Variants in THSD4 observed in about 807,000 individuals in gnomAD.
THSD4 encodes thrombospondin type 1 domain containing 4, also known as thrombospondin type-1 domain-containing protein 4.
A neutral mutation model predicts 119.0 loss-of-function variants in THSD4; 69 were observed. The ratio of observed to expected loss-of-function variants is 0.58; its 90% CI spans 0.48 to 0.71. The LOEUF is 0.71. THSD4 is among the 30% of genes least tolerant of loss of function. The pLI is 0.00. For missense variants in THSD4, 1,393 were observed against 1,391.1 expected (o/e 1.00, Z -0.02); for synonymous variants, 524 against 540.4 (o/e 0.97, Z 0.42).
chr15:71,150,343 A>G (rs2040708529), intron 2 of THSD4, among the ~76,000 whole-genome samples: 1 of 152,230 alleles, frequency 6.6e-6, no homozygotes, highest in African/African-American at 2.4e-5. Flanking sequence ...TTAGCTAAGT[A>G]TGCGCAAGCA....
intron 7 of THSD4, among the ~76,000 whole-genome samples, chr15:71,563,963 G>C (rs1224764641): frequency 6.6e-6 from 1 of 152,116 alleles, no homozygotes; most frequent in East Asian, 1.9e-4. Context: ...CAGTTGTCTT[G>C]GTTGATGTGC....
In THSD4 at chr15:71,246,749, G is replaced by A. The variant is rs539205601; in HGVS notation, c.912+3653G>A. On this transcript the variant is annotated intron_variant, in intron 5 of 17. Transcript: ENST00000261862. Reference sequence around the variant, plus strand: ...TTATTTTGTTGCCTACAATGTGTACGAGGAAGTTCAGGTGACACATCCTAG... The same window carrying A: ...TTATTTTGTTGCCTACAATGTGTACAAGGAAGTTCAGGTGACACATCCTAG... 3.3e-5 allele frequency among the ~76,000 whole-genome samples: 5 copies of A among 152,256 alleles called. No individual in the cohort carries two copies. In the South Asian group the frequency reaches 8.3e-4, roughly 25 times the overall value.
intron 7 of THSD4, among the ~76,000 whole-genome samples, chr15:71,612,493 C>T (rs561332229): frequency 1.4e-4 from 22 of 152,322 alleles, no homozygotes; most frequent in African/African-American, 5.1e-4. Flanking sequence ...AGTGAGGTTG[C>T]TCAGGTTGTT....
intron 3 of THSD4, among the ~76,000 whole-genome samples, chr15:71,160,245 A>G (rs900747020): frequency 2.0e-5 from 3 of 151,982 alleles, no homozygotes; most frequent in Non-Finnish European, 2.9e-5. Context: ...TTTTGCATCT[A>G]TGTTCATCAG....
intron 6 of THSD4, among the ~76,000 whole-genome samples, chr15:71,373,871 A>G (rs2046095100): frequency 6.6e-6 from 1 of 152,220 alleles, no homozygotes; most frequent in Non-Finnish European, 1.5e-5. Flanking sequence ...TTATATACAC[A>G]CAAATGCTGC....
intron 6 of THSD4, among the ~76,000 whole-genome samples, chr15:71,402,870 T>A (rs757146645): frequency 6.6e-6 from 1 of 152,212 alleles, no homozygotes; most frequent in African/African-American, 2.4e-5. Context: ...AATCTGACTT[T>A]CCCTGTTGTT....
At chr15:71,608,079 G>A (rs567892763) in intron 7 of THSD4, among the ~76,000 whole-genome samples, 23 of 151,782 alleles carry the variant, frequency 1.5e-4, no homozygotes, top group Admixed American at 1.0e-3. Context: ...AAAAATTAGC[G>A]GGGCGTGGTG....
chr15:71,142,716 C>T (rs940405146), intron 2 of THSD4, among the ~76,000 whole-genome samples: 1 of 152,134 alleles, frequency 6.6e-6, no homozygotes, highest in African/African-American at 2.4e-5. Context: ...TGTGATGAAG[C>T]TCATCTTACT....
intron 6 of THSD4, among the ~76,000 whole-genome samples, chr15:71,363,976 C>T (rs2045925625): frequency 6.6e-6 from 1 of 152,140 alleles, no homozygotes; most frequent in African/African-American, 2.4e-5. Context: ...CAAGTTGCTC[C>T]TAATTTTATC....
At chr15:71,385,255 A>G (rs1885417997) in intron 6 of THSD4, among the ~76,000 whole-genome samples, 1 of 152,182 alleles carries the variant, frequency 6.6e-6, no homozygotes, top group African/African-American at 2.4e-5. Flanking sequence ...AAACTAACCC[A>G]TGACCTCCAG....
chr15:71,714,945 A>G (rs2052578976), intron 8 of THSD4, among the ~76,000 whole-genome samples: 1 of 152,192 alleles, frequency 6.6e-6, no homozygotes, highest in African/African-American at 2.4e-5. Flanking sequence ...TGTGACAGAA[A>G]TGTCTCCTAC....
chr15:71,284,045 G>A (rs1177499610), intron 6 of THSD4, among the ~76,000 whole-genome samples: 1 of 152,130 alleles, frequency 6.6e-6, no homozygotes, highest in African/African-American at 2.4e-5. Context: ...TTAAACAAGA[G>A]GTACAATGCC....
At chr15:71,604,930 C>A (rs931098507) in intron 7 of THSD4, among the ~76,000 whole-genome samples, 1 of 151,806 alleles carries the variant, frequency 6.6e-6, no homozygotes, top group Non-Finnish European at 1.5e-5. Context: ...CAATAAAGGT[C>A]AGTAGGAAAT....
chr15:71,215,135 G>T lies in THSD4; in HGVS notation c.200G>T (p.Arg67Leu), dbSNP rs779140847. The change falls in exon 4 of 18, where the codon CGT becomes CTT. Residue 67 changes from arginine to leucine, a missense_variant. Arg to Leu is a moderately radical substitution (Grantham distance 102). Transcript: ENST00000261862. Reference protein sequence around the residue: ...GAWGPWSACSRSCSGGVMEQT... With the variant: ...GAWGPWSACSLSCSGGVMEQT... ...TGGGGCCCCTGGTCGGCCTGCTCGC[G>T]TAGCTGCAGCGGCGGCGTGATGGAG... The T allele has an allele frequency of 7.3e-7, 1 of 1,369,736 alleles. No individual in the cohort carries two copies. Among genetic ancestry groups the T allele is most frequent in the South Asian group, 1.7e-5 (1 of 59,104 alleles). 84.8% of individuals were successfully genotyped at this position (1,369,736 alleles called of 1,614,324 possible).
At chr15:71,288,515 TAA>T (rs1477665857) in intron 6 of THSD4, among the ~76,000 whole-genome samples, 1 of 152,072 alleles carries the variant, frequency 6.6e-6, no homozygotes, top group Non-Finnish European at 1.5e-5. Context: ...AAAGTCAAAA[TAA>T]ATACCCTGAC....
intron 7 of THSD4, among the ~76,000 whole-genome samples, chr15:71,413,236 C>A (rs1320836546): frequency 6.6e-6 from 1 of 152,208 alleles, no homozygotes; most frequent in East Asian, 1.9e-4. Context: ...TGGTCTTGAA[C>A]CCCTGACCTC....
intron 6 of THSD4, among the ~76,000 whole-genome samples, chr15:71,328,381 G>C (rs1362005136): frequency 6.6e-6 from 1 of 152,184 alleles, no homozygotes; most frequent in Non-Finnish European, 1.5e-5. Context: ...TATTTTGCTG[G>C]TGGCTTTGCC....
chr15:71,143,058 G>C (rs546703170), intron 2 of THSD4, among the ~76,000 whole-genome samples: 9 of 152,174 alleles, frequency 5.9e-5, no homozygotes, highest in Non-Finnish European at 1.3e-4. Context: ...ATGGGCAGAC[G>C]TGTGCAGGCC....
At chr15:71,394,740 G>A (rs2046423905) in intron 6 of THSD4, among the ~76,000 whole-genome samples, 1 of 152,182 alleles carries the variant, frequency 6.6e-6, no homozygotes, top group African/African-American at 2.4e-5. Context: ...CTGATACCCT[G>A]GACTAAGTCG....
Sources: gnomAD v4.1 joint callset for allele counts (sites outside exome capture counted in the v4.1 genomes callset) on GRCh38, gnomAD v4.1.1 for gene constraint, MANE v1.5 for transcripts, NCBI Gene and HGNC (gene_info 2026-07-23, HGNC 2026-07-21) for gene names.